KAT2B: variants seen among roughly 807,000 people sequenced by gnomAD.
KAT2B encodes histone acetyltransferase KAT2B.
In KAT2B, 36 loss-of-function variants were observed where a neutral mutation model predicts 105.9. The observed-to-expected ratio is 0.34, with a 90% CI of 0.26 to 0.45. The LOEUF is 0.45. Among genes scored for constraint, KAT2B ranks in the 20% least tolerant of loss-of-function variants. The probability of loss-of-function intolerance (pLI) is 1.00; values close to 1 mark genes in which losing one functional copy is unlikely to be tolerated. For synonymous variants in KAT2B, 397 were observed against 377.9 expected, an observed-to-expected ratio of 1.05 and a Z score of -0.59; for missense variants, 820 against 1,021.6, an observed-to-expected ratio of 0.80 and a Z score of 2.69.
At chr3:20,078,608 A>G (rs906386331) in intron 2 of KAT2B, among the ~76,000 whole-genome samples, 1 of 151,500 alleles carries the variant, frequency 6.6e-6, no homozygotes, top group African/African-American at 2.4e-5. Flanking sequence ...CAAACTCCTG[A>G]GGTCAAGCGA....
At chr3:20,103,204 T>A (rs1698939138) in intron 5 of KAT2B, among the ~76,000 whole-genome samples, 1 of 152,176 alleles carries the variant, frequency 6.6e-6, no homozygotes, top group South Asian at 2.1e-4. Context: ...AAACTCTTGT[T>A]TATAATAAGA....
At chr3:20,092,864 G>A (rs1056473357) in intron 2 of KAT2B, among the ~76,000 whole-genome samples, 28 of 151,890 alleles carry the variant, frequency 1.8e-4, no homozygotes, top group Non-Finnish European at 7.4e-5. Context: ...ACCATGCCCA[G>A]CTAATTTTTG....
chr3:20,146,593 C>A (rs558385395), intron 14 of KAT2B, 163 bp downstream of exon 14: 2 of 530,688 alleles, frequency 3.8e-6, no homozygotes, highest in East Asian at 6.2e-5. Context: ...CCTTTTATGT[C>A]TTCCCTACCA....
At chr3:20,047,828 C>T (rs999896152) in intron 1 of KAT2B, among the ~76,000 whole-genome samples, 2 of 151,874 alleles carry the variant, frequency 1.3e-5, no homozygotes, top group African/African-American at 4.8e-5. Context: ...GTTGGCCAGG[C>T]TGGTCTCAAA....
At chr3:20,142,387 A>T (rs1699709169) in intron 13 of KAT2B, among the ~76,000 whole-genome samples, 1 of 152,144 alleles carries the variant, frequency 6.6e-6, no homozygotes, top group Admixed American at 6.5e-5. Context: ...ATTTGGATTC[A>T]TGTAGTATTT....
At chr3:20,064,760 G>A (rs1559515520) in intron 1 of KAT2B, among the ~76,000 whole-genome samples, 1 of 152,110 alleles carries the variant, frequency 6.6e-6, no homozygotes, top group Non-Finnish European at 1.5e-5. Flanking sequence ...TTAATTTTGG[G>A]TGCTAAATAA....
chr3:20,101,142 T>C, intron 4 of KAT2B, 145 bp from the exon 5 acceptor site: 1 of 644,670 alleles, frequency 1.6e-6, no homozygotes, highest in Admixed American at 2.9e-5. Flanking sequence ...ATTGCTATTT[T>C]CTTTTAGGGA....
chr3:20,065,717 T>C (rs1698211544), intron 1 of KAT2B, among the ~76,000 whole-genome samples: 1 of 152,028 alleles, frequency 6.6e-6, no homozygotes, highest in South Asian at 2.1e-4. Context: ...CAAAAAATAC[T>C]GAAACAAGTA....
chr3:20,065,664 C>T (rs895232952), intron 1 of KAT2B, among the ~76,000 whole-genome samples: 2 of 152,048 alleles, frequency 1.3e-5, no homozygotes, highest in Non-Finnish European at 1.5e-5. Flanking sequence ...GTTAGGTGTC[C>T]CATGGAGCAT....
chr3:20,061,891 G>C (rs1364974855), intron 1 of KAT2B, among the ~76,000 whole-genome samples: 4 of 106,744 alleles, frequency 3.7e-5, no homozygotes, highest in Admixed American at 1.1e-4. Context: ...TATAAAATAT[G>C]TATTATATAT....
At chr3:20,075,462 C>T (rs1176755937) in intron 2 of KAT2B, among the ~76,000 whole-genome samples, 1 of 151,844 alleles carries the variant, frequency 6.6e-6, no homozygotes, top group Non-Finnish European at 1.5e-5. Context: ...CATCACATCC[C>T]ACAGGTTAAG....
At chr3:20,056,445 C>T (rs1165029380) in intron 1 of KAT2B, among the ~76,000 whole-genome samples, 4 of 152,066 alleles carry the variant, frequency 2.6e-5, no homozygotes, top group African/African-American at 9.7e-5. Context: ...TTAGATATGT[C>T]TGTTAATAGA....
At chr3:20,145,554 G>GTTTTTTTTTTTTTTTTT (rs550166293) in intron 13 of KAT2B, among the ~76,000 whole-genome samples, 36 of 92,082 alleles carry the variant, frequency 3.9e-4, no homozygotes, top group Admixed American at 5.5e-4. Context: ...GATTTTTTTA[G>GTTTTTTTTTTTTTTTTT]TTTTTTTTTT....
At position 20,148,399 on chromosome 3, in the gene KAT2B, C is replaced by T; in HGVS notation, c.2221-4C>T. On this transcript the variant is annotated splice_region_variant and splice_polypyrimidine_tract_variant and intron_variant, in intron 16 of 17. Coordinates refer to ENST00000263754, the MANE Select transcript of KAT2B (RefSeq NM_003884.5). ...TAGATACCTTACTTTTTTCTTTACC[C>T]AAGAGCCATCAAAGCGCTTGGCCCT... 6.2e-7 allele frequency: 1 copy of T among 1,609,808 alleles called. No individual in the cohort carries two copies. The highest frequency in any genetic ancestry group is 8.5e-7 in the Non-Finnish European group (1 of 1,178,554).
At position 20,122,758 on chromosome 3, in the gene KAT2B, A is replaced by T. The variant is rs753739665; in HGVS notation, c.1367A>T (p.Glu456Val). 6.2e-7 allele frequency: 1 copy of T among 1,614,104 alleles called. No individual in the cohort carries two copies. The highest frequency in any genetic ancestry group is 2.2e-5 in the East Asian group (1 of 44,878). Residue 456 changes from glutamate to valine, a missense_variant, in exon 9 of 18, where the codon GAG becomes GTG. Physicochemically the swap from Glu to Val is moderately radical, Grantham distance 121 (BLOSUM62 -2). Coordinates refer to ENST00000263754, the MANE Select transcript of KAT2B (RefSeq NM_003884.5). ...GATATTCCGATGGAATTAATCAACGAGGTTATGTCTACCATCACGGACCCT... is the reference window on the plus strand; with the variant it reads ...GATATTCCGATGGAATTAATCAACGTGGTTATGTCTACCATCACGGACCCT... The part of the protein sequence containing the change: ...MGDIPMELIN[E>V]VMSTITDPAA...
intron 2 of KAT2B, among the ~76,000 whole-genome samples, chr3:20,081,005 T>G (rs940190235): frequency 6.6e-6 from 1 of 152,216 alleles, no homozygotes; most frequent in African/African-American, 2.4e-5. Flanking sequence ...ACTCTTAGGC[T>G]TCTCTTTTTT....
intron 12 of KAT2B, among the ~76,000 whole-genome samples, chr3:20,138,990 C>T (rs1354511785): frequency 2.6e-5 from 4 of 152,120 alleles, no homozygotes; most frequent in Admixed American, 2.0e-4. Flanking sequence ...ACCTCCTGGG[C>T]TCAGGCGATC....
chr3:20,110,758 G>A lies in KAT2B; in HGVS notation c.852-838G>A, dbSNP rs76326519. On this transcript the variant is annotated intron_variant, in intron 5 of 17. Transcript: ENST00000263754. ...TTTTACTCTCCACTGTATGTTGGCC[G>A]AATGCACTTTCTAAATTAGATGACC... Among the ~76,000 whole-genome samples the A allele has an allele frequency of 3.3e-5, 5 of 151,804 alleles. No homozygotes were observed. The East Asian group carries it at 5.8e-4, about 18-fold the overall frequency.
At chr3:20,115,188 T>G (rs1160790414) in intron 7 of KAT2B, among the ~76,000 whole-genome samples, 200 bp downstream of exon 7, 1 of 152,248 alleles carries the variant, frequency 6.6e-6, no homozygotes, top group Non-Finnish European at 1.5e-5. Context: ...TCTGACCTCT[T>G]AATCTATGAT....
Sources: allele counts gnomAD v4.1 joint callset (sites outside exome capture counted in the v4.1 genomes callset), GRCh38; gene constraint gnomAD v4.1.1; transcripts MANE v1.5; gene names NCBI Gene and HGNC (gene_info 2026-07-23, HGNC 2026-07-21).